The following TRPM6 variants were observed in gnomAD, a reference collection of about 807,000 sequenced individuals.
TRPM6 encodes transient receptor potential cation channel subfamily M member 6.
A neutral mutation model predicts 247.6 loss-of-function variants in TRPM6; 111 were observed. The observed-to-expected ratio is 0.45, with a 90% CI of 0.38 to 0.52. TRPM6 has a LOEUF of 0.52. TRPM6 is among the 20% of genes least tolerant of loss of function. The probability of loss-of-function intolerance (pLI) is 0.00; values close to 1 mark genes in which losing one functional copy is unlikely to be tolerated. For synonymous variants in TRPM6, 892 were observed against 853.8 expected, an observed-to-expected ratio of 1.04 and a Z score of -0.78; for missense variants, 2,126 against 2,421.5, an observed-to-expected ratio of 0.88 and a Z score of 2.56.
At chr9:74,790,017 T>TGC (rs1827848929) in intron 19 of TRPM6, among the ~76,000 whole-genome samples, 1 of 146,302 alleles carries the variant, frequency 6.8e-6, no homozygotes, top group African/African-American at 2.5e-5. Context: ...TGTGTGTGTG[T>TGC]GTGTGTGTGT....
intron 24 of TRPM6, 84 bp from the exon 25 acceptor site, chr9:74,771,919 G>A (rs1352623611): frequency 7.8e-7 from 1 of 1,282,362 alleles, no homozygotes; most frequent in Non-Finnish European, 1.1e-6. Context: ...TATTGAAAAT[G>A]AGAAACTATA....
chr9:74,873,990 C>T (rs1428086605), intron 1 of TRPM6, among the ~76,000 whole-genome samples: 2 of 151,900 alleles, frequency 1.3e-5, no homozygotes, highest in Non-Finnish European at 2.9e-5. Context: ...AATGCTAGCA[C>T]GTTGGGAGGC....
Position 74,763,110 on chromosome 9 carries a change from C to G in TRPM6, c.3561G>C (p.Leu1187=). 1 of 1,612,464 alleles carries G rather than the reference C, an allele frequency of 6.2e-7. No homozygotes were observed. Among genetic ancestry groups the G allele is most frequent in the Non-Finnish European group, 8.5e-7 (1 of 1,180,020 alleles). ...SERVTEMYFQ[L]KEMNEKVSFI... is the part of the protein sequence containing the mutation. ...AAGACACCTTTTCATTCATTTCTTT[C>G]AGCTGGAAGTACATCTCTGTAACCC... Residue 1187 remains leucine, a synonymous_variant, in exon 26 of 39, where the codon CTG becomes CTC. Transcript: ENST00000360774.
chr9:74,826,064 A>G (rs1002455459), intron 7 of TRPM6, among the ~76,000 whole-genome samples: 2 of 152,006 alleles, frequency 1.3e-5, no homozygotes, highest in Non-Finnish European at 2.9e-5. Context: ...CTCCTACCCC[A>G]CAACCATGAG....
chr9:74,861,470 G>A (rs2184118), intron 1 of TRPM6, among the ~76,000 whole-genome samples: 47,571 of 152,032 alleles, frequency 0.31, 8,534 homozygotes, highest in East Asian at 0.5. Flanking sequence ...GATGCTAAAA[G>A]GGTATCTAAT....
chr9:74,833,615 G>A (rs930893717), intron 6 of TRPM6, among the ~76,000 whole-genome samples: 3 of 152,208 alleles, frequency 2.0e-5, no homozygotes, highest in Non-Finnish European at 4.4e-5. Flanking sequence ...ATGCTGTTAG[G>A]AGACAAAGGT....
At chr9:74,843,764 G>A (rs549905317) in intron 3 of TRPM6, among the ~76,000 whole-genome samples, 11 of 147,518 alleles carry the variant, frequency 7.5e-5, no homozygotes, top group South Asian at 2.1e-4. Context: ...GCAGTGAGCC[G>A]AGATAGTGCC....
rs773903087 is a variant in TRPM6, at chr9:74,840,084, C to T, written c.484G>A (p.Gly162Ser). The change falls in exon 5 of 39, where the codon GGT (glycine) becomes AGT (serine). Residue 162 changes from glycine to serine, a missense_variant. Transcript: ENST00000360774. The part of the protein sequence containing the change: ...PSKFKEIFSQ[G>S]LVKAAETTGA... ...GTTGTCTCTGCAGCTTTAACCAAAC[C>T]TTGGCTGAAAATCTCTTTAAATTTA... 2.5e-6 allele frequency: 4 copies of T among 1,614,122 alleles called. No individual in the cohort carries two copies. Among genetic ancestry groups the T allele is most frequent in the East Asian group, 2.2e-5 (1 of 44,880 alleles).
intron 1 of TRPM6, 129 bp from the exon 2 acceptor site, chr9:74,858,877 CAG>C: frequency 1.4e-6 from 1 of 691,382 alleles, no homozygotes; most frequent in Middle Eastern, 3.8e-4. Flanking sequence ...CAACCCCACA[CAG>C]GCTAAGCATT....
At chr9:74,831,806 AAAAAG>A (rs1235356243) in intron 6 of TRPM6, among the ~76,000 whole-genome samples, 1 of 152,236 alleles carries the variant, frequency 6.6e-6, no homozygotes, top group African/African-American at 2.4e-5. Flanking sequence ...ACTGGCAAAT[AAAAAG>A]AAAAGAGTCA....
chr9:74,745,580 T>A (rs1052943543), intron 31 of TRPM6, among the ~76,000 whole-genome samples: 8 of 152,130 alleles, frequency 5.3e-5, no homozygotes, highest in African/African-American at 1.9e-4. Flanking sequence ...AGGTGAAATT[T>A]GAGCACAGAG....
chr9:74,831,849 C>T (rs933370966), intron 6 of TRPM6, among the ~76,000 whole-genome samples: 4 of 152,160 alleles, frequency 2.6e-5, no homozygotes, highest in African/African-American at 7.2e-5. Flanking sequence ...TCCTATACAA[C>T]TGTACCACAA....
At chr9:74,726,073 C>T (rs1315790616) in intron 38 of TRPM6, among the ~76,000 whole-genome samples, 1 of 152,200 alleles carries the variant, frequency 6.6e-6, no homozygotes, top group Non-Finnish European at 1.5e-5. Context: ...CACCTCTAAT[C>T]CTATTTTCCA....
At chr9:74,736,956 G>A (rs935315091) in intron 36 of TRPM6, among the ~76,000 whole-genome samples, 1 of 150,668 alleles carries the variant, frequency 6.6e-6, no homozygotes, top group African/African-American at 2.4e-5. Context: ...TTCTTTCGTT[G>A]TTTTTTTTTG....
At position 74,724,674 on chromosome 9, in the gene TRPM6, G is replaced by A. The variant is rs1825256215; in HGVS notation, c.6008C>T (p.Ala2003Val). 1 of 1,614,176 alleles carries A rather than the reference G, an allele frequency of 6.2e-7. No individual in the cohort carries two copies. The highest frequency in any genetic ancestry group is 8.5e-7 in the Non-Finnish European group (1 of 1,180,016). Residue 2003 changes from alanine to valine, a missense_variant, in exon 39 of 39, where the codon GCT becomes GTT. Transcript: ENST00000360774. ...TFGLEIKIESAEEPPARETGR... is the reference protein window; with the variant it reads ...TFGLEIKIESVEEPPARETGR... ...CGTCTCCCTTGCTGGAGGCTCCTCA[G>A]CTGATTCTATTTTTATCTCAAGTCC...
chr9:74,811,224 T>C (rs1828717756), intron 12 of TRPM6, among the ~76,000 whole-genome samples: 1 of 152,166 alleles, frequency 6.6e-6, no homozygotes, highest in Admixed American at 6.5e-5. Context: ...TATATTCAAT[T>C]AGGGATTCAA....
chr9:74,823,854 G>A (rs1829220493), intron 7 of TRPM6, among the ~76,000 whole-genome samples: 1 of 152,078 alleles, frequency 6.6e-6, no homozygotes, highest in Admixed American at 6.6e-5. Context: ...TGGGGCAGGG[G>A]AAAAACTACA....
rs1277488740 is a variant in TRPM6 at position 74,722,635 on chromosome 9, G to A, written c.*1978C>T. ...ATAGTTGAGTGCAGCACTGAGGTGAGTACCAATTGTTCCTTTACTGACTTG... is the reference window on the plus strand; with the variant it reads ...ATAGTTGAGTGCAGCACTGAGGTGAATACCAATTGTTCCTTTACTGACTTG... On this transcript the variant is annotated 3_prime_UTR_variant, in exon 39 of 39. Coordinates refer to ENST00000360774, the MANE Select transcript of TRPM6 (RefSeq NM_017662.5). 6.6e-6 allele frequency: 1 copy of A among 152,198 alleles called. No individual in the cohort carries two copies. Among genetic ancestry groups the A allele is most frequent in the East Asian group, 1.9e-4 (1 of 5,194 alleles). The allele number at this position is 152,198 out of a possible 1,614,324, so 9.4% of individuals were successfully genotyped here.
Position 74,782,458 on chromosome 9 carries a change from G to C in TRPM6, c.3113C>G (p.Ser1038Cys). ...AGTAAGAAAAGAACCAGGAGGGCAG[G>C]ATGGCTGGCTTGAACAAACTACAAA... Reference protein sequence around the residue: ...GEIDVCSSQPSCPPGSFLTPF... With the variant: ...GEIDVCSSQPCCPPGSFLTPF... Residue 1038 changes from serine to cysteine, a missense_variant, in exon 23 of 39, where the codon TCC (serine) becomes TGC (cysteine). By Grantham distance (112) the Ser-to-Cys change is moderately radical. Coordinates refer to ENST00000360774, the MANE Select transcript of TRPM6 (RefSeq NM_017662.5). The C allele has an allele frequency of 6.2e-7, 1 of 1,613,980 alleles. No homozygotes were observed. Among genetic ancestry groups the C allele is most frequent in the Non-Finnish European group, 8.5e-7 (1 of 1,179,914 alleles).
Sources: allele counts gnomAD v4.1 joint callset (sites outside exome capture counted in the v4.1 genomes callset), GRCh38; gene constraint gnomAD v4.1.1; transcripts MANE v1.5; gene names NCBI Gene and HGNC (gene_info 2026-07-23, HGNC 2026-07-21).